SS18: variants seen among roughly 807,000 people sequenced by gnomAD.
SS18 encodes protein SSXT.
SS18 carries 28 observed loss-of-function variants against 72.5 expected under a neutral mutation model. That is an observed-to-expected ratio of 0.39 (90% CI 0.29 to 0.53). The LOEUF (loss-of-function observed/expected upper bound fraction) is 0.53, where lower values mean the gene tolerates loss of function less well. Ranked by LOEUF, SS18 falls within the 20% of genes least tolerant of loss-of-function variation. The pLI is 0.76. For synonymous variants in SS18, 172 were observed against 164.2 expected, an observed-to-expected ratio of 1.05 and a Z score of -0.37; for missense variants, 518 against 535.3, an observed-to-expected ratio of 0.97 and a Z score of 0.32.
At chr18:26,060,868 A>C (rs1463614071) in intron 3 of SS18, among the ~76,000 whole-genome samples, 1 of 149,058 alleles carries the variant, frequency 6.7e-6, no homozygotes, top group Non-Finnish European at 1.5e-5. Context: ...AGAAACGAGA[A>C]TCGCTTGCAC....
chr18:26,050,894 G>C (rs960456856), intron 5 of SS18, among the ~76,000 whole-genome samples: 5 of 151,198 alleles, frequency 3.3e-5, no homozygotes, highest in African/African-American at 1.2e-4. Context: ...GGGCAACAGA[G>C]CCAGACGCCG....
intron 10 of SS18, among the ~76,000 whole-genome samples, chr18:26,021,827 G>GA (rs2053356087): frequency 6.6e-6 from 1 of 152,138 alleles, no homozygotes; most frequent in Admixed American, 6.5e-5. Context: ...AGTTTTGGTA[G>GA]AAAAAATTAT....
At chr18:26,052,515 C>A in intron 5 of SS18, 109 bp downstream of exon 5, 1 of 823,042 alleles carries the variant, frequency 1.2e-6, no homozygotes. Context: ...GACTGTCACT[C>A]ACTTTAAACT....
At chr18:26,018,433 AAAG>A (rs1233244625) in intron 10 of SS18, 53 bp from the exon 11 acceptor site, 3 of 1,336,582 alleles carry the variant, frequency 2.2e-6, no homozygotes, top group African/African-American at 2.9e-5. Flanking sequence ...CATAACAGGC[AAAG>A]AAGATTACAA....
rs1344391666 is a variant in SS18, at chr18:26,035,025, G to A, written c.1076C>T (p.Pro359Leu). The change falls in exon 9 of 11, where the codon CCA (proline) becomes CTA (leucine). Residue 359 changes from proline to leucine, a missense_variant. Transcript: ENST00000415083. This position sits in a 1 kb window ranked among gnomAD's most constrained non-coding sequence, Gnocchi z 4.4. ...QQQYPGQQGY[P>L]GQQQGYGPSQ... ...TTTACCGTAGCCCTGCTGCTGTCCTGGGTAACCTTGCTGCCCTGGGTACTG... is the reference window on the plus strand; with the variant it reads ...TTTACCGTAGCCCTGCTGCTGTCCTAGGTAACCTTGCTGCCCTGGGTACTG... The A allele has an allele frequency of 1.9e-6, 3 of 1,613,140 alleles. No homozygotes were observed. The highest frequency in any genetic ancestry group is 2.5e-6 in the Non-Finnish European group (3 of 1,179,520).
rs996260241 is a variant in SS18, at chr18:26,078,208, ACCTG to A, written c.147-52_147-49del. 9 of 1,392,492 alleles carry A rather than the reference ACCTG, an allele frequency of 6.5e-6. No individual in the cohort carries two copies. In the East Asian group the frequency reaches 1.2e-4, roughly 18 times the overall value. 86.3% of individuals were successfully genotyped at this position (1,392,492 alleles called of 1,614,324 possible). A position where few individuals can be genotyped will look rare whatever the true frequency, so the allele number is the denominator to read the frequency against. On this transcript the variant is annotated intron_variant, in intron 2 of 10. Coordinates refer to ENST00000415083, the MANE Select transcript of SS18 (RefSeq NM_001007559.3). ...AGTATTAAAAAATAATTTTCTTCCT[ACCTG>A]CCTAAGTACAAACAGCACTATAATC...
intron 5 of SS18, among the ~76,000 whole-genome samples, chr18:26,047,259 CAAAAAAAA>C (rs71169806): frequency 0.11 from 8,585 of 75,962 alleles, 366 homozygotes; most frequent in East Asian, 0.2. Flanking sequence ...AGTAATATGC[CAAAAAAAA>C]AAAAAAAAAA....
intron 3 of SS18, among the ~76,000 whole-genome samples, chr18:26,069,770 G>A (rs1166089624): frequency 1.3e-5 from 2 of 152,098 alleles, no homozygotes; most frequent in Non-Finnish European, 2.9e-5. Flanking sequence ...TTTTCTCAAA[G>A]AAACATTAAT....
At chr18:26,039,257 T>A in intron 6 of SS18, 32 bp downstream of exon 6, 1 of 1,562,962 alleles carries the variant, frequency 6.4e-7, no homozygotes, top group South Asian at 1.2e-5. Flanking sequence ...TTCAATTACA[T>A]TAAGTAGCAA....
rs1418084938 is a variant in SS18, at chr18:26,017,407, T to C, written c.*947A>G. On this transcript the variant is annotated 3_prime_UTR_variant, in exon 11 of 11. Coordinates refer to ENST00000415083, the MANE Select transcript of SS18 (RefSeq NM_001007559.3). ...ACAAAATAAAATGACTGGATCAATG[T>C]TGACTCTTCTTTGATATCATTTATA... 3.1e-5 allele frequency: 6 copies of C among 192,652 alleles called. No homozygotes were observed. In the East Asian group the frequency reaches 5.0e-4, roughly 16 times the overall value. The allele number at this position is 192,652 out of a possible 1,614,324, so 11.9% of individuals were successfully genotyped here. A position where few individuals can be genotyped will look rare whatever the true frequency, so the allele number is the denominator to read the frequency against.
chr18:26,071,484 GTGC>G (rs1190200986), intron 3 of SS18, among the ~76,000 whole-genome samples: 1 of 152,156 alleles, frequency 6.6e-6, no homozygotes, highest in Non-Finnish European at 1.5e-5. Context: ...TAAATGTAAT[GTGC>G]TAAGTAAACA....
chr18:26,044,678 T>C (rs1044392352), intron 5 of SS18, among the ~76,000 whole-genome samples: 4 of 152,012 alleles, frequency 2.6e-5, no homozygotes, highest in African/African-American at 9.7e-5. Context: ...ATTTACTGAT[T>C]ACTAAAATCA....
chr18:26,050,983 G>T (rs770115445), intron 5 of SS18, among the ~76,000 whole-genome samples: 1 of 152,022 alleles, frequency 6.6e-6, no homozygotes, highest in Non-Finnish European at 1.5e-5. Flanking sequence ...TTTGAAAATT[G>T]TCTTTAATCT....
rs570252393 is a variant in SS18 at position 26,061,277 on chromosome 18, C to T, written c.232-3535G>A. Among the ~76,000 whole-genome samples the T allele has an allele frequency of 3.9e-5, 6 of 152,350 alleles. No homozygotes were observed. In the East Asian group the frequency reaches 9.6e-4, roughly 24 times the overall value. ...GCAGTGAGCCGAGATCGTGCCACTGCACTCCAGCCTGGGCCACAGAGCGAG... is the reference window on the plus strand; with the variant it reads ...GCAGTGAGCCGAGATCGTGCCACTGTACTCCAGCCTGGGCCACAGAGCGAG... On this transcript the variant is annotated intron_variant, in intron 3 of 10. Transcript: ENST00000415083.
At chr18:26,074,443 A>G (rs1170890015) in intron 3 of SS18, among the ~76,000 whole-genome samples, 2 of 152,082 alleles carry the variant, frequency 1.3e-5, no homozygotes, top group East Asian at 1.9e-4. Context: ...TTTCTGCTAC[A>G]ACCGAAACAA....
At chr18:26,087,228 G>A (rs1487232903) in intron 2 of SS18, among the ~76,000 whole-genome samples, 1 of 152,096 alleles carries the variant, frequency 6.6e-6, no homozygotes. Flanking sequence ...TTCACACAGA[G>A]AGTAGATTAG....
chr18:26,085,801 A>G (rs1346071839), intron 2 of SS18: 3 of 152,220 alleles, frequency 2.0e-5, no homozygotes, highest in Non-Finnish European at 4.4e-5. Flanking sequence ...ACAAAGGGGA[A>G]AAAGTAATGG....
At chr18:26,033,689 C>G (rs1404708468) in intron 9 of SS18, among the ~76,000 whole-genome samples, 1 of 151,958 alleles carries the variant, frequency 6.6e-6, no homozygotes. Flanking sequence ...ATTATTAAAA[C>G]TTTATTTCTA....
chr18:26,041,772 T>A (rs992157584), intron 5 of SS18, among the ~76,000 whole-genome samples: 1 of 151,636 alleles, frequency 6.6e-6, no homozygotes, highest in Admixed American at 6.6e-5. Context: ...AAAAGATACA[T>A]AACAAAACAC....
Sources: gnomAD v4.1 joint callset for allele counts (sites outside exome capture counted in the v4.1 genomes callset) on GRCh38, gnomAD v4.1.1 for gene constraint, Gnocchi (gnomAD v3.1) non-coding constraint, MANE v1.5 for transcripts, NCBI Gene and HGNC (gene_info 2026-07-23, HGNC 2026-07-21) for gene names.